ACTR3C: variants seen among roughly 807,000 people sequenced by gnomAD.
The protein encoded by ACTR3C is actin-related protein 3C.
Under a neutral mutation model 26.3 loss-of-function variants are expected in ACTR3C, and 18 were observed. The observed-to-expected ratio is 0.68, with a 90% CI of 0.47 to 1.01. The LOEUF is 1.01. Among genes scored for constraint, ACTR3C ranks in the 50% least tolerant of loss-of-function variants. ACTR3C has a pLI of 0.00. For synonymous variants in ACTR3C, 55 were observed against 94.5 expected (o/e 0.58, Z 2.42); for missense variants, 184 against 250.7 (o/e 0.73, Z 1.80).
At chr7:150,035,215 C>G in the ACTR3C span, among the ~76,000 whole-genome samples, 48 of 122,106 alleles carry the variant, frequency 3.9e-4, no homozygotes, top group African/African-American at 9.4e-4. Flanking sequence ...GGGTGCCTCC[C>G]ACCTCTGCCA....
chr7:150,252,104 G>A (rs1369333738), intron 6 of ACTR3C, among the ~76,000 whole-genome samples: 2 of 150,452 alleles, frequency 1.3e-5, no homozygotes, highest in African/African-American at 2.5e-5. Flanking sequence ...TAATCCCTCC[G>A]TGTGTGTTTG....
At chr7:150,144,377 C>G in the ACTR3C span, among the ~76,000 whole-genome samples, 1 of 152,128 alleles carries the variant, frequency 6.6e-6, no homozygotes, top group South Asian at 2.1e-4. The surrounding 1 kb of genome is among the most constrained non-coding windows in gnomAD (Gnocchi z 4.6). Context: ...TTATTTGAAA[C>G]GTAAAGAGGG....
chr7:150,261,561 G>A lies in ACTR3C; in HGVS notation c.565-12507C>T, dbSNP rs1445411257. 2.6e-5 allele frequency among the ~76,000 whole-genome samples: 4 copies of A among 152,378 alleles called. No homozygotes were observed. In the East Asian group the frequency reaches 7.7e-4, roughly 29 times the overall value. ...ACTAAAAACACAAAAAATTAGCAGGGCGTGGTGGCACATGCCTATAATCCC... is the reference window on the plus strand; with the variant it reads ...ACTAAAAACACAAAAAATTAGCAGGACGTGGTGGCACATGCCTATAATCCC... On this transcript the variant is annotated intron_variant, in intron 6 of 7. Transcript: ENST00000683684.
chr7:149,981,246 C>T, the ACTR3C span, among the ~76,000 whole-genome samples: 31 of 152,104 alleles, frequency 2.0e-4, no homozygotes, highest in East Asian at 5.8e-3. Flanking sequence ...ATTTACAGTC[C>T]GTGTGAACTT....
At chr7:150,063,511 T>C in the ACTR3C span, among the ~76,000 whole-genome samples, 1 of 151,416 alleles carries the variant, frequency 6.6e-6, no homozygotes, top group African/African-American at 2.5e-5. Flanking sequence ...GAAGGCCGTC[T>C]TCCTACCAAG....
the ACTR3C span, among the ~76,000 whole-genome samples, chr7:149,931,898 C>T: frequency 6.6e-6 from 1 of 152,150 alleles, no homozygotes; most frequent in East Asian, 1.9e-4. Flanking sequence ...TTTTCAAACA[C>T]AATTTATGTT....
At chr7:150,070,849 C>T in the ACTR3C span, among the ~76,000 whole-genome samples, 1 of 148,840 alleles carries the variant, frequency 6.7e-6, no homozygotes, top group African/African-American at 2.5e-5. Context: ...GGTTGGAGTG[C>T]AGTGGCGTGA....
At chr7:150,039,957 C>T in the ACTR3C span, among the ~76,000 whole-genome samples, 777 of 124,198 alleles carry the variant, frequency 6.3e-3, 39 homozygotes, top group Admixed American at 0.053. Flanking sequence ...GGGGGAGGTT[C>T]GCAGTCCCCG....
At chr7:149,893,979 A>C in the ACTR3C span, among the ~76,000 whole-genome samples, 3 of 152,210 alleles carry the variant, frequency 2.0e-5, no homozygotes, top group African/African-American at 7.2e-5. Context: ...AGTCAAGGGA[A>C]TCTTAAGCAA....
chr7:150,289,901 T>A (rs1228423020), intron 3 of ACTR3C, among the ~76,000 whole-genome samples: 1 of 152,234 alleles, frequency 6.6e-6, no homozygotes. Context: ...CAAAAAGAAA[T>A]GCTGTCTGTA....
At chr7:150,170,147 A>C in the ACTR3C span, among the ~76,000 whole-genome samples, 1 of 149,786 alleles carries the variant, frequency 6.7e-6, no homozygotes, top group Admixed American at 6.6e-5. Context: ...AAGTTCCCTC[A>C]TGTGACTGAC....
the ACTR3C span, chr7:149,909,837 A>AT: frequency 2.0e-6 from 1 of 508,094 alleles, no homozygotes; most frequent in Admixed American, 3.5e-5. Flanking sequence ...ATTAAAAAAA[A>AT]AAAACAAACT....
rs779932137 is a variant in ACTR3C at position 150,293,323 on chromosome 7, C to T, written c.142G>A (p.Val48Ile). ...VIDSGDGVTH[V>I]IPVAEGYVIG... is the part of the protein sequence containing the mutation. ...ACTATTCTGCTTACCACTGGGATAA[C>T]ATGGGTGACTCCATCTCCGCTGTCA... The change falls in exon 3 of 8, where the codon GTT (valine) becomes ATT (isoleucine). Residue 48 changes from valine (V) to isoleucine (I), a missense_variant. Transcript: ENST00000683684. 1.5e-5 allele frequency: 24 copies of T among 1,586,280 alleles called. No individual in the cohort carries two copies. The Admixed American group carries it at 1.8e-4, about 12-fold the overall frequency.
chr7:150,031,076 G>T, the ACTR3C span, among the ~76,000 whole-genome samples: 1 of 152,006 alleles, frequency 6.6e-6, no homozygotes, highest in Non-Finnish European at 1.5e-5. Context: ...GGCCAACATA[G>T]TGAAACCCCA....
chr7:150,051,404 A>C, the ACTR3C span, among the ~76,000 whole-genome samples: 1 of 148,328 alleles, frequency 6.7e-6, no homozygotes, highest in South Asian at 2.2e-4. Context: ...ACACACAAAC[A>C]AGGAAAAAGA....
the ACTR3C span, among the ~76,000 whole-genome samples, chr7:150,134,002 T>C: frequency 6.6e-6 from 1 of 152,096 alleles, no homozygotes; most frequent in Non-Finnish European, 1.5e-5. Flanking sequence ...CCTCCCAAAG[T>C]GCTGGGATTA....
At chr7:149,891,222 C>A in the ACTR3C span, 1 of 1,197,530 alleles carries the variant, frequency 8.4e-7, no homozygotes, top group African/African-American at 1.5e-5. Flanking sequence ...AGGTTCAGCT[C>A]GAAGATATTT....
chr7:150,111,961 G>A, the ACTR3C span, among the ~76,000 whole-genome samples: 2 of 151,894 alleles, frequency 1.3e-5, no homozygotes, highest in Non-Finnish European at 1.5e-5. Context: ...CGTTTTTTAA[G>A]TCTTGGGAAA....
At chr7:150,118,916 G>C in the ACTR3C span, among the ~76,000 whole-genome samples, 2 of 139,150 alleles carry the variant, frequency 1.4e-5, no homozygotes, top group Non-Finnish European at 3.1e-5. Context: ...CCAGAAGAGA[G>C]TGGGGGCCAA....
Sources: gnomAD v4.1 joint callset for allele counts (sites outside exome capture counted in the v4.1 genomes callset) on GRCh38, gnomAD v4.1.1 for gene constraint, Gnocchi (gnomAD v3.1) non-coding constraint, MANE v1.5 for transcripts, NCBI Gene and HGNC (gene_info 2026-07-23, HGNC 2026-07-21) for gene names.